RBM26: variants seen among roughly 807,000 people sequenced by gnomAD.
The protein encoded by RBM26 is RNA-binding protein 26.
In RBM26, 30 loss-of-function variants were observed where a neutral mutation model predicts 123.6. The ratio of observed to expected loss-of-function variants is 0.24; its 90% CI spans 0.18 to 0.33. The LOEUF (loss-of-function observed/expected upper bound fraction) is 0.33, where lower values mean the gene tolerates loss of function less well. RBM26 is among the 10% of genes least tolerant of loss of function. The pLI, the probability that RBM26 is intolerant of heterozygous loss-of-function variation, is 1.00. For synonymous variants in RBM26, 400 were observed against 404.4 expected, an observed-to-expected ratio of 0.99 and a Z score of 0.13; for missense variants, 947 against 1,203.6, an observed-to-expected ratio of 0.79 and a Z score of 3.15.
intron 1 of RBM26, among the ~76,000 whole-genome samples, chr13:79,380,588 G>GT (rs2077001977): frequency 6.6e-6 from 1 of 151,886 alleles, no homozygotes; most frequent in Non-Finnish European, 1.5e-5. Flanking sequence ...AACAACCAGG[G>GT]TAATTAGCCT....
At chr13:79,379,639 T>C (rs2076922084) in intron 1 of RBM26, among the ~76,000 whole-genome samples, 1 of 150,822 alleles carries the variant, frequency 6.6e-6, no homozygotes, top group South Asian at 2.1e-4. Flanking sequence ...TATTTAACCC[T>C]GGAGTAAGGA....
chr13:79,397,054 G>A (rs184717731), intron 1 of RBM26, among the ~76,000 whole-genome samples: 65 of 152,238 alleles, frequency 4.3e-4, no homozygotes, highest in Middle Eastern at 3.4e-3. Flanking sequence ...GGTGGCGCAC[G>A]CCTGTAGTCC....
chr13:79,366,373 T>A (rs1324190036), intron 7 of RBM26, 178 bp from the exon 8 acceptor site: 5 of 421,522 alleles, frequency 1.2e-5, no homozygotes, highest in Non-Finnish European at 1.6e-5. Context: ...AAAGCAGGTT[T>A]GCCTTAAGCT....
chr13:79,332,728 A>C (rs1424395461), intron 20 of RBM26, among the ~76,000 whole-genome samples: 1 of 152,138 alleles, frequency 6.6e-6, no homozygotes, highest in Admixed American at 6.5e-5. Context: ...TTCCTTATAC[A>C]TTAATCCCTG....
chr13:79,366,572 A>C, intron 7 of RBM26, 61 bp downstream of exon 7: 2 of 1,447,338 alleles, frequency 1.4e-6, no homozygotes, highest in Non-Finnish European at 1.8e-6. Flanking sequence ...GAATCTATTA[A>C]GTTTTAAAAA....
chr13:79,385,023 G>T (rs1039696046), intron 1 of RBM26, among the ~76,000 whole-genome samples: 1 of 152,048 alleles, frequency 6.6e-6, no homozygotes, highest in Non-Finnish European at 1.5e-5. Flanking sequence ...GGTGGTAGTG[G>T]GAATTAAAAA....
intron 11 of RBM26, 79 bp downstream of exon 11, chr13:79,358,194 AT>A: frequency 8.2e-7 from 1 of 1,220,042 alleles, no homozygotes; most frequent in South Asian, 1.6e-5. Flanking sequence ...TAAAATATTT[AT>A]TTATAAAGGT....
intron 5 of RBM26, among the ~76,000 whole-genome samples, chr13:79,370,165 A>C (rs2075734249): frequency 6.6e-6 from 1 of 152,024 alleles, no homozygotes; most frequent in Non-Finnish European, 1.5e-5. Context: ...AAAATACAAA[A>C]ATTAGCCGAG....
At chr13:79,350,383 T>C (rs771455747) in intron 14 of RBM26, among the ~76,000 whole-genome samples, 5 of 152,324 alleles carry the variant, frequency 3.3e-5, no homozygotes, top group Admixed American at 2.6e-4. Flanking sequence ...CGGTCTTAAG[T>C]CTGTTTTAAA....
intron 11 of RBM26, 76 bp from the exon 12 acceptor site, chr13:79,355,460 TGAAA>T: frequency 9.1e-7 from 1 of 1,102,060 alleles, no homozygotes; most frequent in Non-Finnish European, 1.3e-6. Context: ...CCCCAGTAAG[TGAAA>T]TACTGGTCCT....
chr13:79,365,584 G>A lies in RBM26; in HGVS notation c.1411C>T (p.Pro471Ser). Residue 471 changes from proline to serine, a missense_variant, in exon 9 of 22, where the codon CCC becomes TCC. Pro to Ser is a moderately conservative substitution (Grantham distance 74). Transcript: ENST00000438737. ...GAAAGATTAATTATAGTACCTCTGG[G>A]TGGCAAATCCATATCCCCTGATGTT... ...GLTSGDMDLP[P>S]REKPPNKSSM... The A allele has an allele frequency of 6.2e-7, 1 of 1,611,404 alleles. No individual in the cohort carries two copies. The highest frequency in any genetic ancestry group is 2.2e-5 in the East Asian group (1 of 44,844).
chr13:79,380,825 T>C (rs1000113467), intron 1 of RBM26, among the ~76,000 whole-genome samples: 4 of 152,098 alleles, frequency 2.6e-5, no homozygotes, highest in Admixed American at 6.6e-5. Context: ...TTTCTACTTA[T>C]ATGAGACCAA....
At chr13:79,371,232 A>G (rs1245248704) in intron 4 of RBM26, 70 bp from the exon 5 acceptor site, 8 of 1,249,394 alleles carry the variant, frequency 6.4e-6, no homozygotes, top group African/African-American at 3.0e-5. Flanking sequence ...AATTAAATGC[A>G]AAAGTTACAT....
chr13:79,319,888 T>A lies in RBM26; in HGVS notation c.*733A>T. On this transcript the variant is annotated 3_prime_UTR_variant, in exon 22 of 22. Coordinates refer to ENST00000438737, the MANE Select transcript of RBM26 (RefSeq NM_001366735.2). ...GATCACCATCTGGAATGGTCTATTTTAATTTTTTTCTTTTCTTTTTTCTTT... is the reference window on the plus strand; with the variant it reads ...GATCACCATCTGGAATGGTCTATTTAAATTTTTTTCTTTTCTTTTTTCTTT... 2.1e-6 allele frequency: 2 copies of A among 972,444 alleles called. No individual in the cohort carries two copies. The highest frequency in any genetic ancestry group is 2.4e-6 in the Non-Finnish European group (2 of 819,442). The allele number at this position is 972,444 out of a possible 1,614,324, so 60.2% of individuals were successfully genotyped here.
rs569481560 is a variant in RBM26 at position 79,347,465 on chromosome 13, T to C, written c.2059-2671A>G. 1.1e-4 allele frequency among the ~76,000 whole-genome samples: 17 copies of C among 152,268 alleles called. No homozygotes were observed. In the South Asian group the frequency reaches 3.1e-3, roughly 28 times the overall value. On this transcript the variant is annotated intron_variant, in intron 14 of 21. Transcript: ENST00000438737. ...GACAGTTTGGATAGTAAGAGACACA[T>C]GTATTTTCAAAAGAAGAAAATCTAT...
At chr13:79,375,814 A>C (rs1166074830) in intron 3 of RBM26, among the ~76,000 whole-genome samples, 4 of 151,818 alleles carry the variant, frequency 2.6e-5, no homozygotes, top group Non-Finnish European at 5.9e-5. Context: ...TGCATAATAA[A>C]ATGTATTATT....
downstream of RBM26, chr13:79,314,874 T>G (rs938498937): frequency 1.4e-6 from 1 of 711,180 alleles, no homozygotes; most frequent in African/African-American, 1.9e-5. Context: ...TCTGTTCAAA[T>G]TGATAAAGAG....
chr13:79,385,673 T>C (rs143917748), intron 1 of RBM26, among the ~76,000 whole-genome samples: 6 of 152,322 alleles, frequency 3.9e-5, no homozygotes, highest in South Asian at 2.1e-4. Context: ...AGAAAAAATT[T>C]AGTTTAGTTT....
chr13:79,323,092 T>C (rs1370631857), intron 20 of RBM26, among the ~76,000 whole-genome samples: 1 of 151,492 alleles, frequency 6.6e-6, no homozygotes, highest in Non-Finnish European at 1.5e-5. Flanking sequence ...AAAAACAGTT[T>C]TTCCTACCAA....
Sources: allele counts gnomAD v4.1 joint callset (sites outside exome capture counted in the v4.1 genomes callset), GRCh38; gene constraint gnomAD v4.1.1; transcripts MANE v1.5; gene names NCBI Gene and HGNC (gene_info 2026-07-23, HGNC 2026-07-21).